LINGO2: variants seen among roughly 807,000 people sequenced by gnomAD.
LINGO2 encodes the protein leucine rich repeat and Ig domain containing 2.
Under a neutral mutation model 30.6 loss-of-function variants are expected in LINGO2, and 14 were observed. That is an observed-to-expected ratio of 0.46 (90% CI 0.30 to 0.72). The LOEUF is 0.72. LINGO2 is among the 30% of genes least tolerant of loss of function. The pLI, the probability that LINGO2 is intolerant of heterozygous loss-of-function variation, is 0.07. For synonymous variants in LINGO2, 317 were observed against 288.5 expected, an observed-to-expected ratio of 1.10 and a Z score of -1.00; for missense variants, 729 against 751.7, an observed-to-expected ratio of 0.97 and a Z score of 0.35.
At chr9:29,047,051 A>AAAAAAAAAAAAAAAAAAAAC in the LINGO2 span, among the ~76,000 whole-genome samples, 35 of 106,928 alleles carry the variant, frequency 3.3e-4, 5 homozygotes, top group Middle Eastern at 9.7e-3. Context: ...AAAAAAAAAA[A>AAAAAAAAAAAAAAAAAAAAC]CCAAAAACAA....
the LINGO2 span, among the ~76,000 whole-genome samples, chr9:29,092,742 GTGGAGCTGAC>G: frequency 7.3e-6 from 1 of 136,984 alleles, no homozygotes; most frequent in African/African-American, 2.7e-5. Flanking sequence ...TAAGTTTTCT[GTGGAGCTGAC>G]AACAAAGGGA....
intron 3 of LINGO2, among the ~76,000 whole-genome samples, chr9:28,302,517 A>T (rs1304656395): frequency 6.6e-6 from 1 of 152,146 alleles, no homozygotes; most frequent in African/African-American, 2.4e-5. Context: ...TCTCCCTACA[A>T]AAAAGTAGCT....
At position 28,222,505 on chromosome 9, in the gene LINGO2, C is replaced by G. The variant is rs1821000830; in HGVS notation, c.-87+72703G>C. The stretch of plus-strand genomic sequence containing the variant: ...CCCAGCTGCTCACCTTAAATTAAAA[C>G]TTGACTTAGGTAAAGGCAAAATTTA... On this transcript the variant is annotated intron_variant, in intron 4 of 5. Transcript: ENST00000379992. Among the ~76,000 whole-genome samples the G allele has an allele frequency of 1.3e-5, 2 of 150,728 alleles. 1 individual carries two copies. Among genetic ancestry groups the G allele is most frequent in the South Asian group, 4.2e-4 (2 of 4,728 alleles).
intron 4 of LINGO2, among the ~76,000 whole-genome samples, chr9:28,223,482 T>C (rs1221347495): frequency 2.0e-5 from 3 of 152,234 alleles, no homozygotes; most frequent in African/African-American, 7.2e-5. Flanking sequence ...AGAGTTACAC[T>C]GGCCATTAAG....
intron 4 of LINGO2, among the ~76,000 whole-genome samples, chr9:28,022,467 T>C (rs1179324515): frequency 6.6e-6 from 1 of 152,130 alleles, no homozygotes; most frequent in Non-Finnish European, 1.5e-5. Context: ...CTGAAGGATT[T>C]ATTTTAACAT....
chr9:28,930,935 A>G, the LINGO2 span, among the ~76,000 whole-genome samples: 1 of 152,188 alleles, frequency 6.6e-6, no homozygotes, highest in Non-Finnish European at 1.5e-5. This position sits in a 1 kb window ranked among gnomAD's most constrained non-coding sequence, Gnocchi z 4.2. Flanking sequence ...TGTTATTTAA[A>G]TTCAGAACAC....
the LINGO2 span, among the ~76,000 whole-genome samples, chr9:28,705,403 T>C: frequency 3.3e-5 from 5 of 152,096 alleles, no homozygotes. Flanking sequence ...CAAGTGTCTC[T>C]TCACAAGTGT....
intron 1 of LINGO2, among the ~76,000 whole-genome samples, chr9:28,497,417 A>AGGC (rs1819677967): frequency 6.6e-6 from 1 of 152,090 alleles, no homozygotes; most frequent in African/African-American, 2.4e-5. Context: ...TTTGATCTTG[A>AGGC]ATCACTGATA....
rs75708049 is a variant in LINGO2, at chr9:28,478,827, T to G, written c.-364-2802A>C. 8.9e-3 allele frequency among the ~76,000 whole-genome samples: 1,351 copies of G among 152,156 alleles called. 18 individuals are homozygous for G. Among genetic ancestry groups the G allele is most frequent in the African/African-American group, 0.031 (1,293 of 41,544 alleles). On this transcript the variant is annotated intron_variant, in intron 1 of 5. Transcript: ENST00000379992. ...GATAAGTGTGCACCCTGATGTCACC[T>G]AATGCAGACACCTTTAAATTTAATA...
At chr9:28,549,761 T>C (rs1249022186) in intron 1 of LINGO2, among the ~76,000 whole-genome samples, 1 of 151,934 alleles carries the variant, frequency 6.6e-6, no homozygotes, top group African/African-American at 2.4e-5. Context: ...TATTAATTTT[T>C]ACATATAACA....
intron 1 of LINGO2, among the ~76,000 whole-genome samples, chr9:28,507,871 T>C (rs1007627757): frequency 3.3e-5 from 5 of 152,076 alleles, no homozygotes; most frequent in Non-Finnish European, 5.9e-5. Flanking sequence ...TTTTGATTTT[T>C]TTTCTAAAAA....
At chr9:28,336,149 C>G (rs1335484831) in intron 3 of LINGO2, among the ~76,000 whole-genome samples, 1 of 152,044 alleles carries the variant, frequency 6.6e-6, no homozygotes, top group Non-Finnish European at 1.5e-5. Context: ...AGTGTCACAT[C>G]ATAGTTTTAA....
chr9:28,584,161 C>T (rs1212885419), intron 1 of LINGO2, among the ~76,000 whole-genome samples: 1 of 152,014 alleles, frequency 6.6e-6, no homozygotes, highest in Admixed American at 6.6e-5. Flanking sequence ...CAGATTTAGA[C>T]ACATGCCCTT....
chr9:27,950,379 G>C, exon 6 of LINGO2: 3 of 1,614,082 alleles, frequency 1.9e-6, no homozygotes, highest in Non-Finnish European at 2.5e-6. Context: ...GAATGCTCCT[G>C]GTTCCACATT....
chr9:28,180,818 C>T (rs1271362393), intron 4 of LINGO2, among the ~76,000 whole-genome samples: 1 of 152,048 alleles, frequency 6.6e-6, no homozygotes, highest in Admixed American at 6.6e-5. Context: ...ATACATCAAA[C>T]ATTCACACAT....
At chr9:28,078,317 G>T (rs1468404079) in intron 4 of LINGO2, among the ~76,000 whole-genome samples, 1 of 148,886 alleles carries the variant, frequency 6.7e-6, no homozygotes, top group Non-Finnish European at 1.5e-5. Context: ...TTGCAGAGTT[G>T]CTACCAGCAA....
intron 3 of LINGO2, among the ~76,000 whole-genome samples, chr9:28,343,159 G>C (rs908462279): frequency 2.0e-5 from 3 of 152,172 alleles, no homozygotes; most frequent in Admixed American, 6.5e-5. Flanking sequence ...AGTGTTGTCT[G>C]TTTAGAAATC....
intron 2 of LINGO2, among the ~76,000 whole-genome samples, chr9:28,381,805 A>T (rs914583045): frequency 1.3e-5 from 2 of 152,070 alleles, no homozygotes; most frequent in Admixed American, 1.3e-4. Flanking sequence ...TTCTAACCCG[A>T]CACTACAATT....
chr9:29,139,715 C>T, the LINGO2 span, among the ~76,000 whole-genome samples: 1 of 152,112 alleles, frequency 6.6e-6, no homozygotes, highest in Non-Finnish European at 1.5e-5. Context: ...GTTCATCCCC[C>T]TTCACATCAC....
Sources: gnomAD v4.1 joint callset for allele counts (sites outside exome capture counted in the v4.1 genomes callset) on GRCh38, gnomAD v4.1.1 for gene constraint, Gnocchi (gnomAD v3.1) non-coding constraint, MANE v1.5 for transcripts, NCBI Gene and HGNC (gene_info 2026-07-23, HGNC 2026-07-21) for gene names.